CAMTA1: variants seen among roughly 807,000 people sequenced by gnomAD.
CAMTA1 encodes calmodulin binding transcription activator 1.
Under a neutral mutation model 170.9 loss-of-function variants are expected in CAMTA1, and 27 were observed. The observed-to-expected ratio is 0.16, with a 90% CI of 0.12 to 0.22. The LOEUF (loss-of-function observed/expected upper bound fraction) is 0.22. Ranked by LOEUF, CAMTA1 falls within the 10% of genes least tolerant of loss-of-function variation. The pLI is 1.00. For synonymous variants in CAMTA1, 833 were observed against 891.5 expected (o/e 0.93, Z 1.17); for missense variants, 1,619 against 2,217.2 (o/e 0.73, Z 5.42).
At chr1:6,819,650 C>T (rs2148446906) in intron 1 of CAMTA1, among the ~76,000 whole-genome samples, 1 of 152,324 alleles carries the variant, frequency 6.6e-6, no homozygotes, top group Non-Finnish European at 1.5e-5. Context: ...GACCTTTTCT[C>T]ACATATGTAT....
At chr1:7,098,849 A>C (rs1200451304) in intron 4 of CAMTA1, among the ~76,000 whole-genome samples, 1 of 152,072 alleles carries the variant, frequency 6.6e-6, no homozygotes, top group African/African-American at 2.4e-5. Context: ...TTGAAATGGC[A>C]GCACCAGTCC....
At chr1:6,902,842 A>G (rs906181367) in intron 3 of CAMTA1, among the ~76,000 whole-genome samples, 2 of 152,160 alleles carry the variant, frequency 1.3e-5, no homozygotes, top group African/African-American at 4.8e-5. Flanking sequence ...AACAACTGCA[A>G]CTCTCAAACA....
At chr1:6,839,380 A>AAAAAAAC (rs376230671) in intron 3 of CAMTA1, among the ~76,000 whole-genome samples, 3 of 151,938 alleles carry the variant, frequency 2.0e-5, no homozygotes, top group East Asian at 1.9e-4. Flanking sequence ...AGACTCTCTT[A>AAAAAAAC]AAAAAACAAA....
At position 7,542,838 on chromosome 1, in the gene CAMTA1, A is replaced by AGTTTGTGTGTGTGTGT. The variant is rs745940570; in HGVS notation, c.510+74939_510+74940insTTGTGTGTGTGTGTGT. ...AGCCACCACGCCTGGCCTAAAACAC[A>AGTTTGTGTGTGTGTGT]GTGTGTGTGTGTGTGTGTGTGTGTG... On this transcript the variant is annotated intron_variant, in intron 6 of 22. Coordinates refer to ENST00000303635, the MANE Select transcript of CAMTA1 (RefSeq NM_015215.4). Among the ~76,000 whole-genome samples the AGTTTGTGTGTGTGTGT allele has an allele frequency of 2.5e-4, 14 of 56,018 alleles. 1 individual carries two copies. The highest frequency in any genetic ancestry group is 4.8e-4 in the African/African-American group (7 of 14,602). 36.7% of individuals were successfully genotyped at this position (56,018 alleles called of 152,430 possible).
At chr1:7,276,705 G>A (rs12085970) in intron 5 of CAMTA1, among the ~76,000 whole-genome samples, 3 of 151,984 alleles carry the variant, frequency 2.0e-5, no homozygotes, top group East Asian at 3.9e-4. Flanking sequence ...ATATTCTACC[G>A]GAGGTCCTAG....
At position 7,455,950 on chromosome 1, in the gene CAMTA1, C is replaced by T. The variant is rs972473351; in HGVS notation, c.439-11880C>T. 5.9e-5 allele frequency among the ~76,000 whole-genome samples: 9 copies of T among 152,316 alleles called. No homozygotes were observed. The East Asian group carries it at 1.7e-3, about 29-fold the overall frequency. Reference sequence around the variant, plus strand: ...CCGAAGCTCCCAGCGCCAGAGGGTACAGCCTGAGCCTCCTTACCAAGGCTC... The same window carrying T: ...CCGAAGCTCCCAGCGCCAGAGGGTATAGCCTGAGCCTCCTTACCAAGGCTC... On this transcript the variant is annotated intron_variant, in intron 5 of 22. Coordinates refer to ENST00000303635, the MANE Select transcript of CAMTA1 (RefSeq NM_015215.4). The surrounding 1 kb of genome is among the most constrained non-coding windows in gnomAD (Gnocchi z 5.0).
At chr1:7,378,260 A>T (rs1036021760) in intron 5 of CAMTA1, among the ~76,000 whole-genome samples, 1 of 152,208 alleles carries the variant, frequency 6.6e-6, no homozygotes, top group Non-Finnish European at 1.5e-5. Flanking sequence ...ACGGCCTTGT[A>T]TGTAACTAAC....
Position 7,562,868 on chromosome 1 carries a change from A to G in CAMTA1, c.511-77532A>G, listed in dbSNP as rs116784095. 0.06 allele frequency among the ~76,000 whole-genome samples: 9,131 copies of G among 152,242 alleles called. 302 individuals carry two copies. The highest frequency in any genetic ancestry group is 0.099 in the Middle Eastern group (29 of 294). ...ACCGCCCACTCACCTGCAGCCTGTCAACAGCCAGCTCCGGGACTCTCCCAG... is the reference window on the plus strand; with the variant it reads ...ACCGCCCACTCACCTGCAGCCTGTCGACAGCCAGCTCCGGGACTCTCCCAG... On this transcript the variant is annotated intron_variant, in intron 6 of 22. Coordinates refer to ENST00000303635, the MANE Select transcript of CAMTA1 (RefSeq NM_015215.4). The surrounding 1 kb of genome is among the most constrained non-coding windows in gnomAD (Gnocchi z 4.8).
At chr1:6,952,432 AAAAAAAG>A (rs1688665433) in intron 3 of CAMTA1, among the ~76,000 whole-genome samples, 2 of 124,632 alleles carry the variant, frequency 1.6e-5, no homozygotes, top group African/African-American at 5.5e-5. Context: ...CTCTGTCTCA[AAAAAAAG>A]AAAAAAAAAA....
intron 5 of CAMTA1, among the ~76,000 whole-genome samples, chr1:7,257,213 T>C (rs1196570995): frequency 6.6e-6 from 1 of 152,244 alleles, no homozygotes; most frequent in Non-Finnish European, 1.5e-5. Context: ...GAACTTTTAC[T>C]GACTATCCAG....
chr1:6,866,228 T>C (rs942753418), intron 3 of CAMTA1, among the ~76,000 whole-genome samples: 1 of 152,250 alleles, frequency 6.6e-6, no homozygotes, highest in African/African-American at 2.4e-5. Flanking sequence ...ACCACTTCTT[T>C]GGTACCCCAC....
chr1:7,689,371 C>G (rs2096286121), intron 11 of CAMTA1, among the ~76,000 whole-genome samples: 1 of 150,158 alleles, frequency 6.7e-6, no homozygotes, highest in African/African-American at 2.5e-5. Flanking sequence ...GTCAGGAGTT[C>G]AAGACCTGCC....
At chr1:7,235,396 G>A (rs1190894752) in intron 4 of CAMTA1, among the ~76,000 whole-genome samples, 1 of 152,244 alleles carries the variant, frequency 6.6e-6, no homozygotes, top group Non-Finnish European at 1.5e-5. Flanking sequence ...AGGCTGAGGC[G>A]GGTGGATCAT....
intron 5 of CAMTA1, among the ~76,000 whole-genome samples, chr1:7,340,012 G>C (rs763169): frequency 2.0e-5 from 3 of 152,158 alleles, no homozygotes; most frequent in Non-Finnish European, 4.4e-5. Flanking sequence ...TAGGGCCCCA[G>C]ACAACACTCT....
At chr1:6,969,400 G>A (rs1211719349) in intron 3 of CAMTA1, among the ~76,000 whole-genome samples, 1 of 152,190 alleles carries the variant, frequency 6.6e-6, no homozygotes, top group East Asian at 1.9e-4. Flanking sequence ...GCTAGGTTGG[G>A]TGAGGGTTCC....
chr1:7,009,770 T>A (rs1214287112), intron 3 of CAMTA1, among the ~76,000 whole-genome samples: 1 of 152,194 alleles, frequency 6.6e-6, no homozygotes, highest in Admixed American at 6.5e-5. Flanking sequence ...CTAAGGCAGC[T>A]TGGACATGGG....
intron 4 of CAMTA1, among the ~76,000 whole-genome samples, chr1:7,229,809 C>T (rs1662392193): frequency 6.6e-6 from 1 of 152,048 alleles, no homozygotes; most frequent in African/African-American, 2.4e-5. Context: ...AGTTGATGTT[C>T]TTTATAGAGA....
chr1:7,619,267 T>C (rs2095580657), intron 6 of CAMTA1, among the ~76,000 whole-genome samples: 1 of 152,226 alleles, frequency 6.6e-6, no homozygotes, highest in Non-Finnish European at 1.5e-5. Context: ...ATGCAGAATG[T>C]ATTCTATCAC....
chr1:7,546,727 T>C (rs1480481864), intron 6 of CAMTA1, among the ~76,000 whole-genome samples: 1 of 152,170 alleles, frequency 6.6e-6, no homozygotes, highest in Non-Finnish European at 1.5e-5. Flanking sequence ...CTCATTGTGG[T>C]TTTGATTTGC....
Sources: allele counts gnomAD v4.1 joint callset (sites outside exome capture counted in the v4.1 genomes callset), GRCh38; gene constraint gnomAD v4.1.1; non-coding constraint Gnocchi (gnomAD v3.1); transcripts MANE v1.5; gene names NCBI Gene and HGNC (gene_info 2026-07-23, HGNC 2026-07-21).